MDN1: variants seen among roughly 807,000 people sequenced by gnomAD.
MDN1 encodes the protein midasin AAA ATPase 1.
In MDN1, 266 loss-of-function variants were observed where a neutral mutation model predicts 669.2. That is an observed-to-expected ratio of 0.40 (90% CI 0.36 to 0.44). The LOEUF (loss-of-function observed/expected upper bound fraction) is 0.44. MDN1 is among the 20% of genes least tolerant of loss of function. MDN1 has a pLI of 1.00. For synonymous variants in MDN1, 2,385 were observed against 2,457.1 expected (o/e 0.97, Z 0.87); for missense variants, 5,940 against 6,754.0 (o/e 0.88, Z 4.22).
Position 89,692,304 on chromosome 6 carries a change from A to G in MDN1, c.10587+139T>C, listed in dbSNP as rs75906192. 2,287 of 704,058 alleles carry G rather than the reference A, an allele frequency of 3.2e-3. 42 individuals are homozygous for G. The African/African-American group carries it at 0.033, about 10-fold the overall frequency. The allele number at this position is 704,058 out of a possible 1,614,324, so 43.6% of individuals were successfully genotyped here. A position where few individuals can be genotyped will look rare whatever the true frequency, so the allele number is the denominator to read the frequency against. On this transcript the variant is annotated intron_variant, in intron 63 of 101. Transcript: ENST00000369393. ...ACATGATAGTTAAATAGGGAAAAAG[A>G]AGGAACAGAAAACAAAATGCCCACG...
In MDN1 at chr6:89,685,936, T is replaced by C. The variant is rs540938046; in HGVS notation, c.11610A>G (p.Thr3870=). 6.2e-7 allele frequency: 1 copy of C among 1,613,964 alleles called. No individual in the cohort carries two copies. Among genetic ancestry groups the C allele is most frequent in the South Asian group, 1.1e-5 (1 of 91,000 alleles). ...AGGATCCTTCAATAAATGCTTGTAA[T>C]GTGCTGACCAGCAACATCAAGGTCA... ...KQMTLMLLVS[T]LQAFIEGSSL... Residue 3870 remains threonine, a synonymous_variant, in exon 70 of 102, where the codon ACA becomes ACG. Coordinates refer to ENST00000369393, the MANE Select transcript of MDN1 (RefSeq NM_014611.3).
intron 95 of MDN1, among the ~76,000 whole-genome samples, chr6:89,651,248 C>T (rs1348481687): frequency 6.7e-6 from 1 of 148,534 alleles, no homozygotes; most frequent in Non-Finnish European, 1.5e-5. Flanking sequence ...TCGCTTGAAC[C>T]CAGGAGGCGG....
chr6:89,690,963 A>G, intron 63 of MDN1, 129 bp from the exon 64 acceptor site: 1 of 1,115,102 alleles, frequency 9.0e-7, no homozygotes, highest in Non-Finnish European at 1.3e-6. Context: ...GCCAACATCC[A>G]AGAAACTAAA....
chr6:89,739,998 CTG>C (rs1411932234), intron 32 of MDN1, among the ~76,000 whole-genome samples: 1 of 152,246 alleles, frequency 6.6e-6, no homozygotes. Flanking sequence ...GGCAAAGTGA[CTG>C]TAACAATGAC....
chr6:89,813,800 C>CA (rs1768616513), intron 1 of MDN1, among the ~76,000 whole-genome samples: 2 of 151,718 alleles, frequency 1.3e-5, no homozygotes, highest in Admixed American at 1.3e-4. Context: ...TATGTTCTGC[C>CA]AAAACTAAGT....
At chr6:89,718,077 T>C (rs1253452461) in intron 43 of MDN1, among the ~76,000 whole-genome samples, 1 of 152,320 alleles carries the variant, frequency 6.6e-6, no homozygotes, top group Middle Eastern at 3.4e-3. Context: ...AGTAAAAAAA[T>C]AGCCAGTAAT....
chr6:89,785,593 A>G (rs1457051324), intron 8 of MDN1, among the ~76,000 whole-genome samples: 1 of 152,220 alleles, frequency 6.6e-6, no homozygotes, highest in Non-Finnish European at 1.5e-5. Context: ...ACTCTGGGGA[A>G]GGTACATGCT....
chr6:89,699,062 G>A (rs747695123), intron 58 of MDN1, 27 bp from the exon 59 acceptor site: 63 of 1,547,124 alleles, frequency 4.1e-5, no homozygotes, highest in African/African-American at 2.7e-4. Context: ...AATTAGGTAA[G>A]AGAATACCTG....
chr6:89,643,789 CGAGTTCAG>C lies in MDN1; in HGVS notation c.*208_*215del, dbSNP rs1808305293. The C allele has an allele frequency of 1.4e-5, 6 of 442,574 alleles. No individual in the cohort carries two copies. The East Asian group carries it at 2.2e-4, about 16-fold the overall frequency. 27.4% of individuals were successfully genotyped at this position (442,574 alleles called of 1,614,324 possible). A position where few individuals can be genotyped will look rare whatever the true frequency, so the allele number is the denominator to read the frequency against. ...AAGAAGGATAACTCTTCTCTAGTTA[CGAGTTCAG>C]GCACCTGCTGCTGCTTCCAGGTTTG... On this transcript the variant is annotated 3_prime_UTR_variant, in exon 102 of 102. Coordinates refer to ENST00000369393, the MANE Select transcript of MDN1 (RefSeq NM_014611.3).
At chr6:89,793,704 A>C in intron 5 of MDN1, 58 bp downstream of exon 5, 1 of 1,436,852 alleles carries the variant, frequency 7.0e-7, no homozygotes, top group Non-Finnish European at 9.4e-7. Context: ...CCAAAGACAG[A>C]GCACACTCAG....
intron 7 of MDN1, among the ~76,000 whole-genome samples, chr6:89,788,785 T>C (rs1044187631): frequency 3.9e-5 from 6 of 151,982 alleles, no homozygotes; most frequent in East Asian, 1.9e-4. Context: ...GAGAGATAGG[T>C]AGACAAAATA....
At chr6:89,801,897 G>C (rs1767690971) in intron 2 of MDN1, among the ~76,000 whole-genome samples, 1 of 151,998 alleles carries the variant, frequency 6.6e-6, no homozygotes, top group African/African-American at 2.4e-5. Context: ...AGGAGAAAGA[G>C]GTTGCAGTAA....
At chr6:89,762,748 G>C (rs929357746) in intron 15 of MDN1, among the ~76,000 whole-genome samples, 3 of 152,100 alleles carry the variant, frequency 2.0e-5, no homozygotes, top group African/African-American at 7.2e-5. Flanking sequence ...ACTATTATTA[G>C]ATAAACAGTG....
rs1477709261 is a variant in MDN1 at position 89,716,713 on chromosome 6, C to T, written c.6680G>A (p.Ser2227Asn). 1 of 1,614,136 alleles carries T rather than the reference C, an allele frequency of 6.2e-7. No homozygotes were observed. Among genetic ancestry groups the T allele is most frequent in the Non-Finnish European group, 8.5e-7 (1 of 1,179,978 alleles). Residue 2227 changes from serine to asparagine, a missense_variant, in exon 44 of 102, where the codon AGC becomes AAC. Coordinates refer to ENST00000369393, the MANE Select transcript of MDN1 (RefSeq NM_014611.3). ...AGACTTCAGGGCCTGAACCAACATG[C>T]TGTCAACCCATTCAAATGTGCCATG... is the stretch of plus-strand genomic sequence containing the variant. ...HSHGTFEWVD[S>N]MLVQALKSGD...
intron 50 of MDN1, among the ~76,000 whole-genome samples, chr6:89,710,055 G>A (rs553266835): frequency 3.2e-4 from 48 of 152,164 alleles, no homozygotes; most frequent in African/African-American, 1.1e-3. Context: ...ACAAGTCACC[G>A]CATCTATCAT....
rs374407860 is a variant in MDN1, at chr6:89,794,083, C to G, written c.662+17G>C. On this transcript the variant is annotated intron_variant, in intron 4 of 101. Coordinates refer to ENST00000369393, the MANE Select transcript of MDN1 (RefSeq NM_014611.3). ...AAGAAATGCTATAGCAAGACCTCCA[C>G]GAAGGTTCCTGCTTACCTCAACCTG... 14 of 1,511,736 alleles carry G rather than the reference C, an allele frequency of 9.3e-6. No individual in the cohort carries two copies. Among genetic ancestry groups the G allele is most frequent in the African/African-American group, 2.8e-5 (2 of 71,016 alleles). The allele number at this position is 1,511,736 out of a possible 1,614,324, so 93.6% of individuals were successfully genotyped here.
At chr6:89,743,460 C>G in intron 30 of MDN1, 116 bp downstream of exon 30, 1 of 1,358,680 alleles carries the variant, frequency 7.4e-7, no homozygotes, top group Non-Finnish European at 1.0e-6. Context: ...CAGAGAAAAT[C>G]TGCAGATATG....
intron 73 of MDN1, 64 bp downstream of exon 73, chr6:89,683,068 C>T: frequency 8.5e-6 from 13 of 1,536,108 alleles, no homozygotes; most frequent in Non-Finnish European, 1.2e-5. Flanking sequence ...ATGCCTTGCA[C>T]ATAAAACACA....
intron 61 of MDN1, among the ~76,000 whole-genome samples, chr6:89,694,720 T>C (rs528482707): frequency 2.0e-5 from 3 of 151,280 alleles, no homozygotes; most frequent in Non-Finnish European, 3.0e-5. Context: ...TTTTTTTTTT[T>C]CCTTTTTTTG....
Sources: gnomAD v4.1 joint callset for allele counts (sites outside exome capture counted in the v4.1 genomes callset) on GRCh38, gnomAD v4.1.1 for gene constraint, MANE v1.5 for transcripts, NCBI Gene and HGNC (gene_info 2026-07-23, HGNC 2026-07-21) for gene names.